Variants in CABIN1 observed in about 807,000 individuals in gnomAD.
CABIN1 encodes calcineurin binding protein 1.
In CABIN1, 133 loss-of-function variants were observed where a neutral mutation model predicts 227.7. The observed-to-expected ratio is 0.58, with a 90% CI of 0.51 to 0.67. The LOEUF (loss-of-function observed/expected upper bound fraction) is 0.67, where lower values mean the gene tolerates loss of function less well. CABIN1 is among the 30% of genes least tolerant of loss of function. The pLI, the probability that CABIN1 is intolerant of heterozygous loss-of-function variation, is 0.00. For missense variants in CABIN1, 2,408 were observed against 2,852.5 expected (o/e 0.84, Z 3.55); for synonymous variants, 1,086 against 1,155.1 (o/e 0.94, Z 1.21).
chr22:24,051,769 G>A (rs1483843241), intron 8 of CABIN1, among the ~76,000 whole-genome samples: 1 of 151,912 alleles, frequency 6.6e-6, no homozygotes, highest in African/African-American at 2.4e-5. Flanking sequence ...CTAGCAACGG[G>A]GAGAGCAACA....
chr22:24,112,087 A>G (rs2042839589), intron 26 of CABIN1, among the ~76,000 whole-genome samples: 1 of 152,184 alleles, frequency 6.6e-6, no homozygotes, highest in South Asian at 2.1e-4. Context: ...TAGTACCAAT[A>G]TCTGGGTTAT....
At chr22:24,044,084 G>A (rs1044867236) in intron 6 of CABIN1, among the ~76,000 whole-genome samples, 5 of 152,138 alleles carry the variant, frequency 3.3e-5, no homozygotes, top group African/African-American at 1.2e-4. Flanking sequence ...CTCATGGTAC[G>A]TGGGTGGAGG....
At chr22:24,014,452 A>G (rs966586778) in intron 1 of CABIN1, among the ~76,000 whole-genome samples, 1 of 145,212 alleles carries the variant, frequency 6.9e-6, no homozygotes, top group African/African-American at 2.6e-5. Context: ...CACTTACTTT[A>G]TGGCACACCA....
chr22:24,129,575 A>G (rs1053537566), intron 28 of CABIN1, among the ~76,000 whole-genome samples: 1 of 152,180 alleles, frequency 6.6e-6, no homozygotes, highest in African/African-American at 2.4e-5. Context: ...GTGGGCAACT[A>G]TTGCACCCTT....
intron 8 of CABIN1, among the ~76,000 whole-genome samples, chr22:24,052,696 G>T (rs1212323665): frequency 6.6e-6 from 1 of 151,650 alleles, no homozygotes; most frequent in East Asian, 1.9e-4. Context: ...GAGGCTGAGG[G>T]GGAGGATTGC....
At chr22:24,091,303 T>C (rs1163322772) in intron 23 of CABIN1, among the ~76,000 whole-genome samples, 1 of 152,166 alleles carries the variant, frequency 6.6e-6, no homozygotes, top group African/African-American at 2.4e-5. Flanking sequence ...CTGCATTAGA[T>C]GCTGCAGGGG....
Position 24,119,319 on chromosome 22 carries a change from C to A in CABIN1, c.4301-48C>A, listed in dbSNP as rs117809043. ...TACTGGTGGTAGACCACTGCATGGACAGGGCCTAAAACCAGGGTGACTTTC... is the reference window on the plus strand; with the variant it reads ...TACTGGTGGTAGACCACTGCATGGAAAGGGCCTAAAACCAGGGTGACTTTC... On this transcript the variant is annotated intron_variant, in intron 27 of 36. Transcript: ENST00000263119. The A allele has an allele frequency of 1.1e-5, 17 of 1,520,782 alleles. No individual in the cohort carries two copies. In the East Asian group the frequency reaches 3.8e-4, roughly 34 times the overall value. 94.2% of individuals were successfully genotyped at this position (1,520,782 alleles called of 1,614,324 possible).
At chr22:24,033,097 C>T (rs2036610056) in intron 1 of CABIN1, among the ~76,000 whole-genome samples, 1 of 152,156 alleles carries the variant, frequency 6.6e-6, no homozygotes, top group East Asian at 1.9e-4. Context: ...AAAACAAACA[C>T]AAAAACTGCA....
rs1470098623 is a variant in CABIN1, at chr22:24,064,139, C to T, written c.1989C>T (p.Val663=). 3 of 1,614,100 alleles carry T rather than the reference C, an allele frequency of 1.9e-6. No individual in the cohort carries two copies. Among genetic ancestry groups the T allele is most frequent in the African/African-American group, 2.7e-5 (2 of 74,936 alleles). Residue 663 remains valine (V), a synonymous_variant, in exon 15 of 37, where the codon GTC becomes GTT. Transcript: ENST00000263119. ...VEAGAERRDI[V]IRLPNLHNDS... ...CAGGGGCTGAACGAAGAGACATTGT[C>T]ATCCGGCTGCCCAACCTCCATAATG...
intron 26 of CABIN1, among the ~76,000 whole-genome samples, chr22:24,107,973 G>C (rs1802271580): frequency 6.6e-6 from 1 of 152,252 alleles, no homozygotes; most frequent in Non-Finnish European, 1.5e-5. Flanking sequence ...GCGGGGCATG[G>C]CCTGCTGTCT....
intron 29 of CABIN1, among the ~76,000 whole-genome samples, chr22:24,161,316 A>G (rs1302901307): frequency 1.3e-5 from 2 of 152,092 alleles, no homozygotes; most frequent in African/African-American, 4.8e-5. Context: ...CCTCAACTCT[A>G]TAAGCAAGCA....
intron 9 of CABIN1, 86 bp downstream of exon 9, chr22:24,055,245 C>G (rs980007420): frequency 6.8e-7 from 1 of 1,472,462 alleles, no homozygotes; most frequent in Admixed American, 1.8e-5. Context: ...GCCCTGCCTC[C>G]CTAGACAGAA....
intron 28 of CABIN1, among the ~76,000 whole-genome samples, chr22:24,130,614 C>G (rs1375109150): frequency 6.6e-6 from 1 of 152,128 alleles, no homozygotes; most frequent in Non-Finnish European, 1.5e-5. Context: ...TTCCCCCTTG[C>G]AGAGGTTCAG....
intron 33 of CABIN1, among the ~76,000 whole-genome samples, chr22:24,170,627 C>T (rs770293001): frequency 3.3e-5 from 5 of 152,140 alleles, no homozygotes; most frequent in African/African-American, 4.8e-5. Context: ...GCCTGGGGCA[C>T]ATCCCAGACA....
At chr22:24,096,456 A>C (rs1440509800) in intron 25 of CABIN1, among the ~76,000 whole-genome samples, 2 of 152,198 alleles carry the variant, frequency 1.3e-5, no homozygotes, top group Non-Finnish European at 2.9e-5. Context: ...TCCTTTGCCA[A>C]GGCCTTGTCT....
rs1418750561 is a variant in CABIN1, at chr22:24,030,522, T to C, written c.-74-4922T>C. ...GCCAAGTGCTGCTGTTTTTAGATTA[T>C]GTTAAAGCCAGCACAGGTGCCCTTT... On this transcript the variant is annotated intron_variant, in intron 1 of 36. Transcript: ENST00000263119. Among the ~76,000 whole-genome samples, 7 of 152,354 alleles carry C rather than the reference T, an allele frequency of 4.6e-5. No individual in the cohort carries two copies. In the East Asian group the frequency reaches 1.2e-3, roughly 25 times the overall value.
intron 8 of CABIN1, 62 bp downstream of exon 8, chr22:24,051,036 GC>G: frequency 6.2e-7 from 1 of 1,602,914 alleles, no homozygotes; most frequent in Non-Finnish European, 8.5e-7. Flanking sequence ...GTGGGATGCT[GC>G]CCTGCACAGG....
chr22:24,105,158 G>A (rs73165719), intron 26 of CABIN1, among the ~76,000 whole-genome samples: 2,378 of 152,250 alleles, frequency 0.016, 29 homozygotes, highest in Non-Finnish European at 0.026. Context: ...GTGGGGACAG[G>A]CAGCCTTTCT....
Position 24,119,348 on chromosome 22 carries a change from C to G in CABIN1, c.4301-19C>G, listed in dbSNP as rs748888505. ...GCCTAAAACCAGGGTGACTTTCTTT[C>G]CCTTCTTCTCAACTGTAGGAAAAAA... On this transcript the variant is annotated intron_variant, in intron 27 of 36. Transcript: ENST00000263119. 4 of 1,606,194 alleles carry G rather than the reference C, an allele frequency of 2.5e-6. No homozygotes were observed. The highest frequency in any genetic ancestry group is 2.5e-6 in the Non-Finnish European group (3 of 1,177,632).
Sources: gnomAD v4.1 joint callset for allele counts (sites outside exome capture counted in the v4.1 genomes callset) on GRCh38, gnomAD v4.1.1 for gene constraint, MANE v1.5 for transcripts, NCBI Gene and HGNC (gene_info 2026-07-23, HGNC 2026-07-21) for gene names.